The following SNX29 variants were observed in gnomAD, a reference collection of about 807,000 sequenced individuals.
The protein encoded by SNX29 is sorting nexin 29, also known as sorting nexin-29.
A neutral mutation model predicts 102.1 loss-of-function variants in SNX29; 78 were observed. The ratio of observed to expected loss-of-function variants is 0.76; its 90% CI spans 0.64 to 0.92. The LOEUF (loss-of-function observed/expected upper bound fraction) is 0.92, where lower values mean the gene tolerates loss of function less well. Among genes scored for constraint, SNX29 ranks in the 40% least tolerant of loss-of-function variants. SNX29 has a pLI of 0.00. For missense variants in SNX29, 1,280 were observed against 1,061.7 expected (o/e 1.21, Z -2.86); for synonymous variants, 580 against 414.5 (o/e 1.40, Z -4.85).
chr16:12,361,664 A>G lies in SNX29; in HGVS notation c.1899+5385A>G, dbSNP rs1037578923. Among the ~76,000 whole-genome samples the G allele has an allele frequency of 1.1e-4, 16 of 152,140 alleles. No individual in the cohort carries two copies. In the South Asian group the frequency reaches 3.3e-3, roughly 31 times the overall value. ...TTCTGGATCTGACTTAAAAAATTAA[A>G]TTTTTGGTTTTTTAAATTTATTTTT... On this transcript the variant is annotated intron_variant, in intron 16 of 20. Coordinates refer to ENST00000566228, the MANE Select transcript of SNX29 (RefSeq NM_032167.5).
chr16:12,397,881 GGTGGTGGGGTCCACCA>G (rs1465588264), intron 16 of SNX29, among the ~76,000 whole-genome samples: 14 of 152,170 alleles, frequency 9.2e-5, no homozygotes, highest in Non-Finnish European at 2.9e-5. Flanking sequence ...AAGCAGTACT[GGTGGTGGGGTCCACCA>G]TGCCACACAG....
chr16:12,189,999 C>G (rs1193109560), intron 13 of SNX29, among the ~76,000 whole-genome samples: 1 of 152,154 alleles, frequency 6.6e-6, no homozygotes, highest in Non-Finnish European at 1.5e-5. Context: ...TAACAAGATA[C>G]CTGGCTCCAG....
intron 14 of SNX29, among the ~76,000 whole-genome samples, chr16:12,238,347 G>A (rs78310564): frequency 0.03 from 4,483 of 150,588 alleles, 221 homozygotes; most frequent in East Asian, 0.19. Context: ...TATCACGTAG[G>A]CTGGAGTGTA....
At chr16:12,289,300 T>G (rs982402376) in intron 15 of SNX29, among the ~76,000 whole-genome samples, 1 of 152,162 alleles carries the variant, frequency 6.6e-6, no homozygotes, top group East Asian at 1.9e-4. Flanking sequence ...TCTCAAGGGC[T>G]CTTCCTTCTT....
intron 3 of SNX29, among the ~76,000 whole-genome samples, chr16:12,024,683 T>A (rs2057138720): frequency 6.6e-6 from 1 of 152,228 alleles, no homozygotes; most frequent in Admixed American, 6.5e-5. Context: ...ATTTGTGCAG[T>A]TCGCCTGCAT....
intron 20 of SNX29, among the ~76,000 whole-genome samples, chr16:12,531,364 G>C (rs551470475): frequency 1.3e-5 from 2 of 152,352 alleles, no homozygotes; most frequent in South Asian, 2.1e-4. Context: ...CGCCAGGACT[G>C]GGTATAGTGG....
intron 13 of SNX29, among the ~76,000 whole-genome samples, chr16:12,172,634 G>C (rs977634867): frequency 8.5e-5 from 13 of 152,204 alleles, no homozygotes; most frequent in Non-Finnish European, 2.9e-5. Context: ...AAGGTGCTTA[G>C]AATACTGCCT....
intron 13 of SNX29, among the ~76,000 whole-genome samples, chr16:12,163,535 C>G (rs1019831231): frequency 1.3e-5 from 2 of 152,114 alleles, no homozygotes; most frequent in Admixed American, 6.6e-5. Flanking sequence ...GGATGCAGCA[C>G]CGATGAATTC....
At chr16:12,348,957 GC>G (rs1168766606) in intron 15 of SNX29, among the ~76,000 whole-genome samples, 1 of 152,078 alleles carries the variant, frequency 6.6e-6, no homozygotes, top group Non-Finnish European at 1.5e-5. Context: ...TGTCACCATC[GC>G]CCCTCTGGGA....
At chr16:12,553,388 C>T (rs115083687) in intron 20 of SNX29, among the ~76,000 whole-genome samples, 2,177 of 152,288 alleles carry the variant, frequency 0.014, 48 homozygotes, top group African/African-American at 0.049. Context: ...TCAAGTTGAA[C>T]ATATAAGTAG....
intron 14 of SNX29, among the ~76,000 whole-genome samples, chr16:12,228,201 G>A (rs1045244157): frequency 2.0e-5 from 3 of 152,250 alleles, no homozygotes; most frequent in African/African-American, 7.2e-5. Context: ...TAGTGTTAGA[G>A]GCACTGAAAT....
chr16:12,436,226 C>A (rs897758181), intron 18 of SNX29, among the ~76,000 whole-genome samples: 1 of 152,192 alleles, frequency 6.6e-6, no homozygotes, highest in Non-Finnish European at 1.5e-5. Context: ...CAGGTGAGGG[C>A]CACGCCTCCT....
At chr16:12,537,094 C>T (rs547093731) in intron 20 of SNX29, among the ~76,000 whole-genome samples, 4 of 152,338 alleles carry the variant, frequency 2.6e-5, no homozygotes, top group East Asian at 1.9e-4. Flanking sequence ...TATCTCCACC[C>T]ACGGTCAGTC....
Position 12,026,545 on chromosome 16 carries a change from T to A in SNX29, c.123-775T>A, listed in dbSNP as rs144321445. Reference sequence around the variant, plus strand: ...AGGAGCCCTGAGAAGATTGCTAAGATCAAGTGCAGTTGCTGTGACCTCATC... The same window carrying A: ...AGGAGCCCTGAGAAGATTGCTAAGAACAAGTGCAGTTGCTGTGACCTCATC... On this transcript the variant is annotated intron_variant, in intron 3 of 20. Coordinates refer to ENST00000566228, the MANE Select transcript of SNX29 (RefSeq NM_032167.5). Among the ~76,000 whole-genome samples the A allele has an allele frequency of 1.8e-3, 273 of 152,342 alleles. 6 individuals carry two copies. In the East Asian group the frequency reaches 0.049, roughly 27 times the overall value.
At chr16:12,255,323 G>C (rs1308128025) in intron 14 of SNX29, among the ~76,000 whole-genome samples, 1 of 151,968 alleles carries the variant, frequency 6.6e-6, no homozygotes, top group Non-Finnish European at 1.5e-5. Context: ...AGCCTCCCGA[G>C]TAGCTGGGAT....
rs1252460130 is a variant in SNX29 at position 12,556,681 on chromosome 16, G to C, written c.2319-11825G>C. On this transcript the variant is annotated intron_variant, in intron 20 of 20. Coordinates refer to ENST00000566228, the MANE Select transcript of SNX29 (RefSeq NM_032167.5). ...AGACAGAAGTGGAAGCAGTAGTCAT[G>C]TGTCTGGAGGCAGAAGCCAAAGGCC... is the stretch of plus-strand genomic sequence containing the variant. The C allele has an allele frequency of 2.6e-5, 4 of 152,234 alleles. No individual in the cohort carries two copies. The East Asian group carries it at 7.7e-4, about 29-fold the overall frequency. The allele number at this position is 152,234 out of a possible 1,614,324, so 9.4% of individuals were successfully genotyped here.
intron 1 of SNX29, among the ~76,000 whole-genome samples, chr16:11,980,259 A>G (rs2055385227): frequency 6.6e-6 from 1 of 152,146 alleles, no homozygotes; most frequent in African/African-American, 2.4e-5. Context: ...ATGAAATCAT[A>G]CAGTATGTGA....
intron 13 of SNX29, among the ~76,000 whole-genome samples, chr16:12,173,160 T>C (rs2076185829): frequency 6.6e-6 from 1 of 152,174 alleles, no homozygotes; most frequent in Non-Finnish European, 1.5e-5. Flanking sequence ...GATTGGTGAG[T>C]GACTGCCGGA....
At chr16:12,527,044 T>G (rs537600747) in intron 20 of SNX29, 4 of 416,294 alleles carry the variant, frequency 9.6e-6, no homozygotes, top group African/African-American at 6.0e-5. Context: ...GTGTTGACAC[T>G]GGAATTTTGA....
Sources: gnomAD v4.1 joint callset for allele counts (sites outside exome capture counted in the v4.1 genomes callset) on GRCh38, gnomAD v4.1.1 for gene constraint, MANE v1.5 for transcripts, NCBI Gene and HGNC (gene_info 2026-07-23, HGNC 2026-07-21) for gene names.